The following GLRA3 variants were observed in gnomAD, a reference collection of about 807,000 sequenced individuals.
GLRA3 encodes glycine receptor subunit alpha-3.
A neutral mutation model predicts 60.4 loss-of-function variants in GLRA3; 44 were observed. The observed-to-expected ratio is 0.73, with a 90% CI of 0.57 to 0.94. GLRA3 has a LOEUF of 0.94. GLRA3 is among the 40% of genes least tolerant of loss of function. The pLI, the probability that GLRA3 is intolerant of heterozygous loss-of-function variation, is 0.00. For synonymous variants in GLRA3, 223 were observed against 192.9 expected (o/e 1.16, Z -1.29); for missense variants, 508 against 564.6 (o/e 0.90, Z 1.02).
intron 8 of GLRA3, among the ~76,000 whole-genome samples, chr4:174,658,294 G>C (rs994171475): frequency 6.6e-6 from 1 of 152,112 alleles, no homozygotes; most frequent in Non-Finnish European, 1.5e-5. Context: ...TAAATGCGTG[G>C]ATCTGCGGTT....
At position 174,781,562 on chromosome 4, in the gene GLRA3, C is replaced by G. The variant is rs375929589; in HGVS notation, c.199+7254G>C. On this transcript the variant is annotated intron_variant, in intron 2 of 9. Coordinates refer to ENST00000274093, the MANE Select transcript of GLRA3 (RefSeq NM_006529.4). ...GAAAGGATCAACAAAATTGATAGAC[C>G]GCTAGCAAGACTAATAAAGAAAAAA... is the stretch of plus-strand genomic sequence containing the variant. Among the ~76,000 whole-genome samples, 7 of 144,910 alleles carry G rather than the reference C, an allele frequency of 4.8e-5. No individual in the cohort carries two copies. In the South Asian group the frequency reaches 9.3e-4, roughly 19 times the overall value.
At chr4:174,644,209 GT>G (rs1732725866) in intron 9 of GLRA3, 145 bp from the exon 10 acceptor site, 1 of 595,670 alleles carries the variant, frequency 1.7e-6, no homozygotes, top group South Asian at 2.5e-5. Context: ...AGATGAATTG[GT>G]TTTTATTCCC....
intron 3 of GLRA3, among the ~76,000 whole-genome samples, chr4:174,751,062 T>C (rs554598427): frequency 8.5e-6 from 1 of 117,504 alleles, no homozygotes; most frequent in East Asian, 2.1e-4. Flanking sequence ...TGTCTGTCTG[T>C]CTATCTATCT....
chr4:174,775,055 A>T (rs753785310), intron 2 of GLRA3, among the ~76,000 whole-genome samples: 1 of 152,196 alleles, frequency 6.6e-6, no homozygotes, highest in Non-Finnish European at 1.5e-5. Context: ...ACAAAAAGCA[A>T]ATACAAACAA....
intron 3 of GLRA3, among the ~76,000 whole-genome samples, chr4:174,760,512 G>A (rs1388907540): frequency 1.4e-5 from 2 of 147,502 alleles, no homozygotes; most frequent in South Asian, 4.3e-4. Flanking sequence ...TATATTAGAA[G>A]GTAATACACA....
intron 5 of GLRA3, among the ~76,000 whole-genome samples, chr4:174,712,144 G>A (rs1163160570): frequency 6.6e-6 from 1 of 151,698 alleles, no homozygotes; most frequent in African/African-American, 2.4e-5. Context: ...TATCATCCAT[G>A]GTTTCAATTA....
At chr4:174,683,882 T>C (rs1207644738) in intron 5 of GLRA3, among the ~76,000 whole-genome samples, 1 of 152,168 alleles carries the variant, frequency 6.6e-6, no homozygotes, top group Non-Finnish European at 1.5e-5. Context: ...TTGATACACA[T>C]TTCATCATTT....
chr4:174,763,775 T>C (rs547120587), intron 3 of GLRA3, among the ~76,000 whole-genome samples: 1 of 152,280 alleles, frequency 6.6e-6, no homozygotes, highest in Admixed American at 6.5e-5. Flanking sequence ...GCCAAGACCA[T>C]GTTCCCAAAC....
chr4:174,739,263 G>T (rs1736916892), intron 3 of GLRA3, among the ~76,000 whole-genome samples: 1 of 152,136 alleles, frequency 6.6e-6, no homozygotes, highest in Non-Finnish European at 1.5e-5. Context: ...GAATGAGAAG[G>T]AAATTCTTAT....
intron 2 of GLRA3, among the ~76,000 whole-genome samples, chr4:174,774,921 G>A (rs1738534935): frequency 6.6e-6 from 1 of 152,092 alleles, no homozygotes; most frequent in South Asian, 2.1e-4. Flanking sequence ...GGGGCATCAG[G>A]TCAACAACTT....
At chr4:174,715,078 C>T (rs1043468752) in intron 5 of GLRA3, among the ~76,000 whole-genome samples, 3 of 152,228 alleles carry the variant, frequency 2.0e-5, no homozygotes, top group African/African-American at 7.2e-5. Flanking sequence ...AACCATTCAA[C>T]ATGACCACTT....
chr4:174,661,084 C>T (rs971630924), intron 7 of GLRA3, among the ~76,000 whole-genome samples: 1 of 152,060 alleles, frequency 6.6e-6, no homozygotes, highest in Non-Finnish European at 1.5e-5. Flanking sequence ...TTTTAGAAAC[C>T]AAGATCTGGG....
At chr4:174,776,975 A>G (rs1738628407) in intron 2 of GLRA3, among the ~76,000 whole-genome samples, 1 of 152,228 alleles carries the variant, frequency 6.6e-6, no homozygotes, top group Non-Finnish European at 1.5e-5. Flanking sequence ...ACAAATCTGA[A>G]CAATTCTGTT....
chr4:174,715,785 T>C (rs1735896730), intron 4 of GLRA3, among the ~76,000 whole-genome samples: 1 of 152,184 alleles, frequency 6.6e-6, no homozygotes, highest in African/African-American at 2.4e-5. Flanking sequence ...TATCTTAGGC[T>C]GGTGCTAAAG....
intron 5 of GLRA3, 55 bp downstream of exon 5, chr4:174,715,433 G>T: frequency 1.2e-6 from 1 of 833,150 alleles, no homozygotes; most frequent in African/African-American, 1.7e-5. Flanking sequence ...GGCATTAAAA[G>T]CTTGTATCTA....
intron 3 of GLRA3, among the ~76,000 whole-genome samples, chr4:174,736,020 C>T (rs146487718): frequency 2.6e-5 from 4 of 152,222 alleles, no homozygotes; most frequent in African/African-American, 9.6e-5. Context: ...ATCAACACTA[C>T]AAATGATCTT....
intron 1 of GLRA3, among the ~76,000 whole-genome samples, chr4:174,813,195 C>T (rs141828070): frequency 2.6e-5 from 4 of 152,122 alleles, no homozygotes; most frequent in African/African-American, 4.8e-5. Flanking sequence ...AAATATTGTC[C>T]TATAATTCTA....
At chr4:174,716,937 AC>A (rs1310269720) in intron 4 of GLRA3, among the ~76,000 whole-genome samples, 1 of 152,068 alleles carries the variant, frequency 6.6e-6, no homozygotes, top group Non-Finnish European at 1.5e-5. Flanking sequence ...GTGGTGTCTT[AC>A]GCCTGTAATT....
intron 4 of GLRA3, among the ~76,000 whole-genome samples, chr4:174,721,911 A>G (rs1736148652): frequency 6.6e-6 from 1 of 151,768 alleles, no homozygotes; most frequent in Non-Finnish European, 1.5e-5. Flanking sequence ...GTGTATGTGT[A>G]TATATGTGTA....
Sources: gnomAD v4.1 joint callset for allele counts (sites outside exome capture counted in the v4.1 genomes callset) on GRCh38, gnomAD v4.1.1 for gene constraint, MANE v1.5 for transcripts, NCBI Gene and HGNC (gene_info 2026-07-23, HGNC 2026-07-21) for gene names.